ADAMTS9: variants seen among roughly 807,000 people sequenced by gnomAD.
The protein encoded by ADAMTS9 is ADAM metallopeptidase with thrombospondin type 1 motif 9.
Under a neutral mutation model 257.1 loss-of-function variants are expected in ADAMTS9, and 107 were observed. The observed-to-expected ratio is 0.42, with a 90% CI of 0.36 to 0.49. ADAMTS9 has a LOEUF of 0.49. Ranked by LOEUF, ADAMTS9 falls within the 20% of genes least tolerant of loss-of-function variation. ADAMTS9 has a pLI of 0.03. For missense variants in ADAMTS9, 2,353 were observed against 2,469.1 expected (o/e 0.95, Z 1.00); for synonymous variants, 982 against 880.9 (o/e 1.11, Z -2.03).
intron 31 of ADAMTS9, among the ~76,000 whole-genome samples, chr3:64,549,144 T>G (rs1576005652): frequency 6.6e-6 from 1 of 152,234 alleles, no homozygotes; most frequent in African/African-American, 2.4e-5. Flanking sequence ...TCCTTCCCTG[T>G]GGTCCCTGTA....
chr3:64,647,761 T>A (rs1167110574), intron 11 of ADAMTS9, among the ~76,000 whole-genome samples, 179 bp downstream of exon 11: 1 of 152,270 alleles, frequency 6.6e-6, no homozygotes, highest in Non-Finnish European at 1.5e-5. Flanking sequence ...CATTATGCTA[T>A]AATCTAAGTT....
rs1410447921 is a variant in ADAMTS9, at chr3:64,550,897, ACCATTCT to A, written c.4857_4863del (p.Glu1620GlnfsTer5). 1 of 1,614,120 alleles carries A rather than the reference ACCATTCT, an allele frequency of 6.2e-7. No homozygotes were observed. The highest frequency in any genetic ancestry group is 1.3e-5 in the African/African-American group (1 of 75,044). ...TACAGTTCCCAGGACGGTACCTCTG[ACCATTCT>A]CCTGTGATCCAGACATACTCGCAGG... On this transcript the variant is annotated frameshift_variant, in exon 31 of 40. Transcript: ENST00000498707. LOFTEE classifies it high-confidence loss of function.
intron 8 of ADAMTS9, among the ~76,000 whole-genome samples, chr3:64,654,100 T>C (rs1330109289): frequency 6.6e-6 from 1 of 152,200 alleles, no homozygotes; most frequent in Non-Finnish European, 1.5e-5. Flanking sequence ...TATTAGACCT[T>C]GTGTATTAAA....
At chr3:64,634,945 G>T (rs988599975) in intron 12 of ADAMTS9, among the ~76,000 whole-genome samples, 1 of 152,150 alleles carries the variant, frequency 6.6e-6, no homozygotes, top group Non-Finnish European at 1.5e-5. Context: ...TTGGATCTTG[G>T]TTCCAATCTG....
chr3:64,546,246 T>A (rs2083197431), intron 32 of ADAMTS9, among the ~76,000 whole-genome samples: 2 of 152,210 alleles, frequency 1.3e-5, no homozygotes, highest in African/African-American at 4.8e-5. Context: ...TTAAGATTTT[T>A]TTTTTTTCAG....
intron 14 of ADAMTS9, 151 bp from the exon 15 acceptor site, chr3:64,632,076 T>C (rs1700379507): frequency 1.5e-6 from 1 of 648,100 alleles, no homozygotes; most frequent in East Asian, 2.7e-5. Flanking sequence ...AATTATATAC[T>C]GCCTTGCTAT....
Position 64,658,760 on chromosome 3 carries a change from C to G in ADAMTS9, c.711G>C (p.Lys237Asn), listed in dbSNP as rs1701149492. Reference protein sequence around the residue: ...EHKNRHSKDKKKTRARKWGER... With the variant: ...EHKNRHSKDKNKTRARKWGER... ...CTCCCCATTTTCTTGCTCTGGTTTT[C>G]TTCTTGTCTTTACTGTGCCTATTTT... is the stretch of plus-strand genomic sequence containing the variant. The change falls in exon 4 of 40, where the codon AAG becomes AAC. Residue 237 changes from lysine to asparagine, a missense_variant. Lys to Asn is a moderately conservative substitution (Grantham distance 94, BLOSUM62 0). This residue lies in a region of ADAMTS9 where 591 missense variants were observed against 569.6 expected (regional missense o/e 1.04). Transcript: ENST00000498707. The G allele has an allele frequency of 6.2e-7, 1 of 1,614,078 alleles. No homozygotes were observed. Among genetic ancestry groups the G allele is most frequent in the Non-Finnish European group, 8.5e-7 (1 of 1,179,986 alleles).
intron 12 of ADAMTS9, among the ~76,000 whole-genome samples, chr3:64,638,580 G>C (rs1322189665): frequency 6.6e-6 from 1 of 151,998 alleles, no homozygotes; most frequent in Non-Finnish European, 1.5e-5. Context: ...TTATCTGTAG[G>C]GCATGGATCA....
At chr3:64,572,648 G>A (rs1486411486) in intron 28 of ADAMTS9, among the ~76,000 whole-genome samples, 2 of 152,076 alleles carry the variant, frequency 1.3e-5, no homozygotes, top group East Asian at 1.9e-4. Context: ...AAAACAAGAT[G>A]GATTTCTACA....
At chr3:64,542,086 T>C (rs568205585) in intron 32 of ADAMTS9, 116 bp from the exon 33 acceptor site, 2 of 1,367,590 alleles carry the variant, frequency 1.5e-6, no homozygotes, top group East Asian at 2.3e-5. Context: ...CTTCAGACCC[T>C]GTGTCGCTGA....
At position 64,616,005 on chromosome 3, in the gene ADAMTS9, T is replaced by C. The variant is rs752516887; in HGVS notation, c.2979A>G (p.Ser993=). The change falls in exon 20 of 40, where the codon TCA becomes TCG. Residue 993 remains serine (S), a synonymous_variant. Transcript: ENST00000498707. ...GCCAGCCACCCGTGTTACATTCCCC[T>C]GAGCATTTTTCACGGTTGCTTGGTT... ...HPKPSNREKC[S]GECNTGGWRY... The C allele has an allele frequency of 6.2e-7, 1 of 1,613,972 alleles. No homozygotes were observed. The highest frequency in any genetic ancestry group is 2.2e-5 in the East Asian group (1 of 44,874).
chr3:64,542,240 C>T (rs888197071), intron 32 of ADAMTS9, among the ~76,000 whole-genome samples: 3 of 139,830 alleles, frequency 2.1e-5, no homozygotes, highest in Admixed American at 2.1e-4. Flanking sequence ...CACACACACA[C>T]ATAATTTTTT....
Position 64,594,445 on chromosome 3 carries a change from GA to G in ADAMTS9, c.4180-12del. On this transcript the variant is annotated splice_polypyrimidine_tract_variant and intron_variant, in intron 27 of 39. Transcript: ENST00000498707. ...ACACAGCTTAGTGCACTGGAAGAAG[GA>G]AAAGGAAGGCTGCAGTTATTTTGTC... is the stretch of plus-strand genomic sequence containing the variant. 2 of 1,604,816 alleles carry G rather than the reference GA, an allele frequency of 1.2e-6. No homozygotes were observed. Among genetic ancestry groups the G allele is most frequent in the African/African-American group, 1.3e-5 (1 of 74,706 alleles).
intron 37 of ADAMTS9, 144 bp downstream of exon 37, chr3:64,539,059 T>C: frequency 1.4e-6 from 1 of 735,604 alleles, no homozygotes; most frequent in Non-Finnish European, 2.3e-6. Context: ...TCCAGAGCAT[T>C]TGAGAGGGTC....
At chr3:64,620,254 G>A (rs1364560886) in intron 19 of ADAMTS9, among the ~76,000 whole-genome samples, 1 of 152,146 alleles carries the variant, frequency 6.6e-6, no homozygotes, top group Non-Finnish European at 1.5e-5. Context: ...AGAGCCTCAA[G>A]TAGGCCTCAT....
At chr3:64,582,319 T>C (rs559991247) in intron 28 of ADAMTS9, among the ~76,000 whole-genome samples, 25 of 152,228 alleles carry the variant, frequency 1.6e-4, no homozygotes, top group Non-Finnish European at 2.8e-4. Context: ...TTTTCTCTGA[T>C]AGGTTTTTTA....
intron 22 of ADAMTS9, among the ~76,000 whole-genome samples, chr3:64,607,420 A>G (rs1001050736): frequency 2.0e-4 from 31 of 152,202 alleles, no homozygotes; most frequent in Admixed American, 7.2e-4. Flanking sequence ...GGTACTTAAT[A>G]GAGCTCTGTG....
Position 64,542,430 on chromosome 3 carries a change from C to CTTTTTTTTT in ADAMTS9, c.5065-469_5065-461dup, listed in dbSNP as rs56812239. ...CTGATCACTTTTCATTTCTTTCTTT[C>CTTTTTTTTT]TTTTTTTTTTTTTTGAGACAGAGTT... On this transcript the variant is annotated intron_variant, in intron 32 of 39. Coordinates refer to ENST00000498707, the MANE Select transcript of ADAMTS9 (RefSeq NM_182920.2). Among the ~76,000 whole-genome samples the CTTTTTTTTT allele has an allele frequency of 4.6e-3, 569 of 124,472 alleles. 16 individuals carry two copies. Among genetic ancestry groups the CTTTTTTTTT allele is most frequent in the African/African-American group, 0.015 (485 of 33,086 alleles). 81.7% of individuals were successfully genotyped at this position (124,472 alleles called of 152,430 possible).
chr3:64,636,182 T>C (rs773613830), intron 12 of ADAMTS9, among the ~76,000 whole-genome samples: 1 of 152,232 alleles, frequency 6.6e-6, no homozygotes, highest in Non-Finnish European at 1.5e-5. Context: ...TATTTATAGG[T>C]GGCTTCCCTT....
Sources: allele counts gnomAD v4.1 joint callset (sites outside exome capture counted in the v4.1 genomes callset), GRCh38; gene constraint gnomAD v4.1.1; regional missense constraint gnomAD v4.1.1; transcripts MANE v1.5; gene names NCBI Gene and HGNC (gene_info 2026-07-23, HGNC 2026-07-21).